RBFOX1: variants seen among roughly 807,000 people sequenced by gnomAD.
RBFOX1 encodes RNA binding protein fox-1 homolog 1.
Under a neutral mutation model 57.7 loss-of-function variants are expected in RBFOX1, and 8 were observed. The ratio of observed to expected loss-of-function variants is 0.14; its 90% CI spans 0.08 to 0.25. The LOEUF (loss-of-function observed/expected upper bound fraction) is 0.25, where lower values mean the gene tolerates loss of function less well. Among genes scored for constraint, RBFOX1 ranks in the 10% least tolerant of loss-of-function variants. The pLI is 1.00. For missense variants in RBFOX1, 611 were observed against 548.5 expected, an observed-to-expected ratio of 1.11 and a Z score of -1.14; for synonymous variants, 326 against 222.4, an observed-to-expected ratio of 1.47 and a Z score of -4.15.
chr16:7,706,315 G>A (rs1349738514), intron 14 of RBFOX1, among the ~76,000 whole-genome samples: 1 of 152,204 alleles, frequency 6.6e-6, no homozygotes, highest in Admixed American at 6.5e-5. Context: ...AGGTCACCCT[G>A]AAGAGAAAAG....
chr16:7,639,843 C>A (rs1255126784), intron 11 of RBFOX1, among the ~76,000 whole-genome samples: 1 of 152,152 alleles, frequency 6.6e-6, no homozygotes, highest in Non-Finnish European at 1.5e-5. Context: ...CTACTAGGTG[C>A]CATGCTCTCC....
chr16:7,364,415 A>G (rs552965711), intron 4 of RBFOX1, among the ~76,000 whole-genome samples: 1 of 152,296 alleles, frequency 6.6e-6, no homozygotes, highest in South Asian at 2.1e-4. Flanking sequence ...TTGAGATGCT[A>G]GCATTTTTTT....
At chr16:5,412,826 G>T (rs1210771356) in intron 1 of RBFOX1, among the ~76,000 whole-genome samples, 1 of 152,182 alleles carries the variant, frequency 6.6e-6, no homozygotes, top group African/African-American at 2.4e-5. Flanking sequence ...CACAGCTAGG[G>T]CTTCACATTT....
chr16:6,749,800 A>G (rs1371696026), intron 3 of RBFOX1, among the ~76,000 whole-genome samples: 1 of 152,170 alleles, frequency 6.6e-6, no homozygotes, highest in African/African-American at 2.4e-5. Flanking sequence ...ATCACTGAAG[A>G]ATGCGATGTA....
chr16:7,267,324 C>T (rs1328269170), intron 4 of RBFOX1, among the ~76,000 whole-genome samples: 2 of 152,080 alleles, frequency 1.3e-5, no homozygotes, highest in Non-Finnish European at 1.5e-5. Flanking sequence ...CACTTGAGGT[C>T]GGCAGTTGGA....
At chr16:6,575,660 C>A (rs1379200946) in intron 2 of RBFOX1, among the ~76,000 whole-genome samples, 1 of 152,000 alleles carries the variant, frequency 6.6e-6, no homozygotes, top group Non-Finnish European at 1.5e-5. Context: ...GAATTTGAGA[C>A]CAGACTGATC....
At chr16:5,288,967 T>TA (rs1344741765) in intron 1 of RBFOX1, among the ~76,000 whole-genome samples, 5 of 151,422 alleles carry the variant, frequency 3.3e-5, no homozygotes, top group Non-Finnish European at 7.4e-5. Flanking sequence ...TATACTAAAA[T>TA]AAAAAAAATT....
intron 3 of RBFOX1, among the ~76,000 whole-genome samples, chr16:6,811,269 A>C (rs1020232818): frequency 1.3e-5 from 2 of 152,258 alleles, no homozygotes. Context: ...AAAAGAGAAC[A>C]AAAGAAGAGA....
chr16:6,001,970 T>C (rs1316586306), intron 4 of RBFOX1, among the ~76,000 whole-genome samples: 2 of 85,482 alleles, frequency 2.3e-5, no homozygotes, highest in Non-Finnish European at 4.2e-5. Context: ...TCTTAAACCT[T>C]TTTTTTTTTT....
intron 3 of RBFOX1, among the ~76,000 whole-genome samples, chr16:6,816,304 G>C (rs534284276): frequency 6.6e-6 from 1 of 152,226 alleles, no homozygotes; most frequent in Middle Eastern, 3.4e-3. Flanking sequence ...GTAAGACCTT[G>C]TTGCAATCAA....
At chr16:7,278,044 A>G (rs951477435) in intron 4 of RBFOX1, among the ~76,000 whole-genome samples, 2 of 152,156 alleles carry the variant, frequency 1.3e-5, no homozygotes, top group African/African-American at 2.4e-5. Context: ...GAATAATGCT[A>G]GCATTGCCTA....
At chr16:7,011,172 T>A (rs912781934) in intron 3 of RBFOX1, among the ~76,000 whole-genome samples, 1 of 152,154 alleles carries the variant, frequency 6.6e-6, no homozygotes, top group South Asian at 2.1e-4. Flanking sequence ...AGATTTGGAT[T>A]TATTTGATTT....
At position 6,706,482 on chromosome 16, in the gene RBFOX1, G is replaced by C. The variant is rs544962277; in HGVS notation, c.-16+51832G>C. 7.2e-5 allele frequency among the ~76,000 whole-genome samples: 11 copies of C among 152,328 alleles called. No homozygotes were observed. In the East Asian group the frequency reaches 1.9e-3, roughly 27 times the overall value. On this transcript the variant is annotated intron_variant, in intron 3 of 15. Transcript: ENST00000550418. Reference sequence around the variant, plus strand: ...GGGGCCCCTGTAGGACAGCCTGATGGCTGGTAATGAGGCAGGATCACTTAC... The same window carrying C: ...GGGGCCCCTGTAGGACAGCCTGATGCCTGGTAATGAGGCAGGATCACTTAC...
intron 3 of RBFOX1, among the ~76,000 whole-genome samples, chr16:6,776,557 C>T (rs1177099498): frequency 1.3e-5 from 2 of 152,136 alleles, no homozygotes; most frequent in Non-Finnish European, 2.9e-5. Context: ...AAGTCTCATC[C>T]ATGGTTGACA....
intron 2 of RBFOX1, among the ~76,000 whole-genome samples, chr16:6,378,626 C>G (rs1449181473): frequency 6.6e-6 from 1 of 152,160 alleles, no homozygotes; most frequent in East Asian, 1.9e-4. Context: ...TGTCCACTCC[C>G]TAGTCCTCAA....
chr16:5,657,732 C>CT (rs71386513), intron 3 of RBFOX1, among the ~76,000 whole-genome samples: 47,715 of 98,094 alleles, frequency 0.49, 14,582 homozygotes, highest in Non-Finnish European at 0.56. Flanking sequence ...TGTTTCTTTT[C>CT]TTTTCTTTTT....
intron 4 of RBFOX1, among the ~76,000 whole-genome samples, chr16:5,929,342 C>T (rs2059000804): frequency 6.6e-6 from 1 of 152,080 alleles, no homozygotes; most frequent in South Asian, 2.1e-4. Context: ...CTCTCTTTCT[C>T]TGCCCACCAC....
At chr16:6,208,729 T>A (rs959861348) in intron 1 of RBFOX1, among the ~76,000 whole-genome samples, 3 of 152,172 alleles carry the variant, frequency 2.0e-5, no homozygotes, top group South Asian at 2.1e-4. Context: ...TAAAAAAAAA[T>A]ATGCATTTCT....
chr16:7,664,257 A>C (rs1002864627), intron 12 of RBFOX1, among the ~76,000 whole-genome samples: 1 of 152,226 alleles, frequency 6.6e-6, no homozygotes, highest in African/African-American at 2.4e-5. Flanking sequence ...ATATGCACAC[A>C]ATGCACTTGT....
Sources: gnomAD v4.1 joint callset for allele counts (sites outside exome capture counted in the v4.1 genomes callset) on GRCh38, gnomAD v4.1.1 for gene constraint, MANE v1.5 for transcripts, NCBI Gene and HGNC (gene_info 2026-07-23, HGNC 2026-07-21) for gene names.